ABTB2: variants seen among roughly 807,000 people sequenced by gnomAD.
ABTB2 encodes the protein ankyrin repeat and BTB/POZ domain-containing protein 2.
A neutral mutation model predicts 104.1 loss-of-function variants in ABTB2; 56 were observed. That is an observed-to-expected ratio of 0.54 (90% confidence interval 0.43 to 0.67). ABTB2 has a LOEUF of 0.67. Ranked by LOEUF, ABTB2 falls within the 30% of genes least tolerant of loss-of-function variation. ABTB2 has a pLI of 0.00. For synonymous variants in ABTB2, 606 were observed against 608.2 expected, an observed-to-expected ratio of 1.00 and a Z score of 0.05; for missense variants, 1,279 against 1,407.7, an observed-to-expected ratio of 0.91 and a Z score of 1.46.
At chr11:34,282,886 T>G (rs939598350) in intron 1 of ABTB2, among the ~76,000 whole-genome samples, 4 of 150,982 alleles carry the variant, frequency 2.6e-5, no homozygotes, top group Non-Finnish European at 4.4e-5. Flanking sequence ...GTTGAATGCA[T>G]TAGTTATAAA....
chr11:34,335,445 G>A, intron 1 of ABTB2: 1 of 783,124 alleles, frequency 1.3e-6, no homozygotes, highest in East Asian at 2.4e-5. Flanking sequence ...ACTCTAAACA[G>A]TCATATTATT....
chr11:34,228,963 A>C (rs1347302934), intron 1 of ABTB2, among the ~76,000 whole-genome samples: 2 of 151,940 alleles, frequency 1.3e-5, no homozygotes, highest in Non-Finnish European at 2.9e-5. Context: ...CTACTAAAAT[A>C]CAAAAATTAG....
At chr11:34,173,346 G>T in intron 3 of ABTB2, 39 bp from the exon 4 acceptor site, 1 of 1,539,162 alleles carries the variant, frequency 6.5e-7, no homozygotes, top group South Asian at 1.2e-5. Context: ...CTGGGGTGGG[G>T]TCCCTGCAGG....
intron 1 of ABTB2, among the ~76,000 whole-genome samples, chr11:34,299,813 C>A (rs1278090311): frequency 1.3e-5 from 2 of 152,216 alleles, no homozygotes; most frequent in African/African-American, 4.8e-5. Flanking sequence ...AGCGGGTGAG[C>A]CGGAAAGGAG....
At chr11:34,266,890 G>A (rs924613119) in intron 1 of ABTB2, among the ~76,000 whole-genome samples, 3 of 151,944 alleles carry the variant, frequency 2.0e-5, no homozygotes, top group East Asian at 1.9e-4. Context: ...AGGGAGAGGC[G>A]GGGGAGGTAT....
At chr11:34,217,315 C>A (rs1247918281) in intron 1 of ABTB2, among the ~76,000 whole-genome samples, 1 of 152,232 alleles carries the variant, frequency 6.6e-6, no homozygotes, top group East Asian at 1.9e-4. Context: ...CTTTTTAGCT[C>A]TGATAATATT....
In ABTB2 at chr11:34,204,882, A is replaced by G. The variant is rs1366983943; in HGVS notation, c.884-192T>C. On this transcript the variant is annotated intron_variant, in intron 1 of 16. Transcript: ENST00000435224. ...ACGGTGCTATAGGGGCCAGAATGAG[A>G]AGTAGCTCACTCGTAGCTGTGGTTT... Among the ~76,000 whole-genome samples the G allele has an allele frequency of 5.9e-5, 9 of 152,216 alleles. No individual in the cohort carries two copies. In the East Asian group the frequency reaches 1.7e-3, roughly 29 times the overall value.
chr11:34,332,789 T>A (rs768124893), intron 1 of ABTB2, among the ~76,000 whole-genome samples: 3 of 151,836 alleles, frequency 2.0e-5, no homozygotes, highest in Non-Finnish European at 4.4e-5. Flanking sequence ...TTCCTCTGCC[T>A]TATTAAGCAA....
chr11:34,332,411 C>G (rs999558323), intron 1 of ABTB2, among the ~76,000 whole-genome samples: 8 of 152,204 alleles, frequency 5.3e-5, no homozygotes, highest in Non-Finnish European at 1.2e-4. Flanking sequence ...ATCCTACACG[C>G]AAAATTATTC....
At position 34,197,424 on chromosome 11, in the gene ABTB2, T is replaced by C. The variant is rs780847451; in HGVS notation, c.1145A>G (p.Asp382Gly). The C allele has an allele frequency of 1.9e-6, 3 of 1,607,148 alleles. No homozygotes were observed. The change falls in exon 3 of 17, where the codon GAC (aspartate) becomes GGC (glycine). Residue 382 changes from aspartate (D) to glycine (G), a missense_variant. Physicochemically the swap from Asp to Gly is moderately conservative, Grantham distance 94 (BLOSUM62 -1). Coordinates refer to ENST00000435224, the MANE Select transcript of ABTB2 (RefSeq NM_145804.3). ...QPPQPITWSPDALHTLYYFLR... is the reference protein window; with the variant it reads ...QPPQPITWSPGALHTLYYFLR... ...AAAGTAGTAGAGCGTGTGGAGGGCG[T>C]CGGGGGACCAAGTGATGGGCTGTGG...
At chr11:34,162,513 GGAGT>G in intron 10 of ABTB2, 59 bp downstream of exon 10, 1 of 1,532,602 alleles carries the variant, frequency 6.5e-7, no homozygotes, top group Non-Finnish European at 8.9e-7. Flanking sequence ...AGAGCAGCAG[GGAGT>G]GACCGTGTGT....
At chr11:34,325,797 A>G (rs1301234898) in intron 1 of ABTB2, among the ~76,000 whole-genome samples, 1 of 151,878 alleles carries the variant, frequency 6.6e-6, no homozygotes, top group African/African-American at 2.4e-5. Flanking sequence ...CTGCAAATAC[A>G]AAAATTAGCC....
intron 3 of ABTB2, among the ~76,000 whole-genome samples, chr11:34,182,266 G>A (rs544626268): frequency 1.6e-4 from 25 of 152,332 alleles, no homozygotes; most frequent in African/African-American, 4.3e-4. Context: ...CTGCACCAAA[G>A]AAACATTTCT....
intron 1 of ABTB2, among the ~76,000 whole-genome samples, chr11:34,225,241 A>G (rs1292701538): frequency 1.3e-5 from 2 of 152,208 alleles, no homozygotes; most frequent in African/African-American, 4.8e-5. Flanking sequence ...TTAGAGCAGA[A>G]GGGGAAAGAG....
At chr11:34,301,265 G>C (rs934143206) in intron 1 of ABTB2, among the ~76,000 whole-genome samples, 2 of 152,218 alleles carry the variant, frequency 1.3e-5, no homozygotes, top group African/African-American at 4.8e-5. Context: ...CTTCTTTCCC[G>C]TAGTTAGTGT....
intron 1 of ABTB2, among the ~76,000 whole-genome samples, chr11:34,215,013 C>T (rs11032558): frequency 0.15 from 23,164 of 152,142 alleles, 1,872 homozygotes; most frequent in East Asian, 0.26. Flanking sequence ...TATCATCTGG[C>T]CCCTTCGCCT....
chr11:34,351,679 T>C (rs1239247947), intron 1 of ABTB2, among the ~76,000 whole-genome samples: 1 of 152,220 alleles, frequency 6.6e-6, no homozygotes, highest in East Asian at 1.9e-4. Context: ...CCATCATTTA[T>C]AGAGCACATA....
At chr11:34,159,054 G>T (rs949090830) in intron 14 of ABTB2, among the ~76,000 whole-genome samples, 3 of 152,220 alleles carry the variant, frequency 2.0e-5, no homozygotes, top group Non-Finnish European at 4.4e-5. Context: ...TCTGCAGGCT[G>T]CCCAGACCAC....
chr11:34,236,353 C>G (rs551797259), intron 1 of ABTB2, among the ~76,000 whole-genome samples: 1 of 152,296 alleles, frequency 6.6e-6, no homozygotes, highest in South Asian at 2.1e-4. Context: ...CACTTGTCTT[C>G]TACCTCCAGA....
Sources: allele counts gnomAD v4.1 joint callset (sites outside exome capture counted in the v4.1 genomes callset), GRCh38; gene constraint gnomAD v4.1.1; transcripts MANE v1.5; gene names NCBI Gene and HGNC (gene_info 2026-07-23, HGNC 2026-07-21).